Variants in GALNT15 observed in about 807,000 individuals in gnomAD.
GALNT15 encodes UDP-GalNAc transferase T15.
A neutral mutation model predicts 66.8 loss-of-function variants in GALNT15; 67 were observed. That is an observed-to-expected ratio of 1.00 (90% CI 0.82 to 1.23). The LOEUF (loss-of-function observed/expected upper bound fraction) is 1.23. GALNT15 is among the 50% of genes most tolerant of loss of function. The pLI, the probability that GALNT15 is intolerant of heterozygous loss-of-function variation, is 0.00. For missense variants in GALNT15, 827 were observed against 804.3 expected (o/e 1.03, Z -0.34); for synonymous variants, 313 against 311.5 (o/e 1.00, Z -0.05).
chr3:16,239,865 T>C, the GALNT15 span, among the ~76,000 whole-genome samples: 1 of 152,250 alleles, frequency 6.6e-6, no homozygotes, highest in Non-Finnish European at 1.5e-5. This position sits in a 1 kb window ranked among gnomAD's most constrained non-coding sequence, Gnocchi z 5.2. Context: ...ATATAGGAAG[T>C]TGCGTGAGAA....
At position 16,175,690 on chromosome 3, in the gene GALNT15, T is replaced by C. The variant is rs2063401035; in HGVS notation, c.539T>C (p.Leu180Pro). ...QRALPEVRHPLCLQQHPQDSL... is the reference protein window; with the variant it reads ...QRALPEVRHPPCLQQHPQDSL... ...GCTCTGCCCGAGGTGCGGCACCCAC[T>C]GTAAGTAAGGCCCTTGTTTTCCCTT... Residue 180 changes from leucine to proline, a missense_variant and splice_region_variant, in exon 1 of 10, where the codon CTG becomes CCG. Physicochemically the swap from Leu to Pro is moderately conservative, Grantham distance 98 (BLOSUM62 -3). Transcript: ENST00000339732. This position sits in a 1 kb window ranked among gnomAD's most constrained non-coding sequence, Gnocchi z 5.6. 6.4e-7 allele frequency: 1 copy of C among 1,572,012 alleles called. No homozygotes were observed. Among genetic ancestry groups the C allele is most frequent in the South Asian group, 1.2e-5 (1 of 86,534 alleles).
In GALNT15 at chr3:16,217,715, G is replaced by A. The variant is rs147906557; in HGVS notation, c.1393-1688G>A. The stretch of plus-strand genomic sequence containing the variant: ...CATTGTCAGCCTGCCCCTCACTCAA[G>A]GTCAAACAAAGATTGGGTAGATTTA... On this transcript the variant is annotated intron_variant, in intron 6 of 9. Transcript: ENST00000339732. Among the ~76,000 whole-genome samples the A allele has an allele frequency of 7.1e-3, 1,086 of 152,110 alleles. 10 individuals are homozygous for A. Among genetic ancestry groups the A allele is most frequent in the Non-Finnish European group, 0.012 (830 of 67,992 alleles).
chr3:16,247,720 C>T, the GALNT15 span, among the ~76,000 whole-genome samples: 1 of 152,196 alleles, frequency 6.6e-6, no homozygotes, highest in African/African-American at 2.4e-5. Flanking sequence ...TTTTGTCTTC[C>T]TGTACTGGGA....
At chr3:16,212,548 T>A (rs2063827799) in intron 5 of GALNT15, 21 bp from the exon 6 acceptor site, 1 of 1,605,868 alleles carries the variant, frequency 6.2e-7, no homozygotes, top group African/African-American at 1.3e-5. Context: ...CTGAGGTGTT[T>A]ATCTTTTCCC....
intron 6 of GALNT15, among the ~76,000 whole-genome samples, chr3:16,215,849 G>A (rs1383717864): frequency 6.7e-6 from 1 of 149,044 alleles, no homozygotes; most frequent in Non-Finnish European, 1.5e-5. Flanking sequence ...GGCGGAGGTT[G>A]TAGTGAGCTG....
intron 4 of GALNT15, 94 bp downstream of exon 4, chr3:16,208,764 C>T: frequency 1.8e-6 from 2 of 1,137,670 alleles, no homozygotes; most frequent in Non-Finnish European, 2.5e-6. Context: ...TCCACAGTTT[C>T]CTAGTAAATT....
the GALNT15 span, among the ~76,000 whole-genome samples, chr3:16,240,119 C>T: frequency 6.6e-6 from 1 of 152,188 alleles, no homozygotes; most frequent in Non-Finnish European, 1.5e-5. Flanking sequence ...AAAGTGAAAA[C>T]CTTTCTGTGC....
rs1394378979 is a variant in GALNT15 at position 16,200,763 on chromosome 3, C to T, written c.851C>T (p.Ala284Val). ...ATGDVLVFMD[A>V]HCECHPGWLE... The stretch of plus-strand genomic sequence containing the variant: ...GGGGATGTGCTCGTCTTCATGGATG[C>T]CCACTGCGAGTGCCACCCAGGCTGG... Residue 284 changes from alanine (A) to valine (V), a missense_variant, in exon 3 of 10, where the codon GCC (alanine) becomes GTC (valine). Transcript: ENST00000339732. The surrounding 1 kb of genome is among the most constrained non-coding windows in gnomAD (Gnocchi z 4.4). 1 of 1,612,456 alleles carries T rather than the reference C, an allele frequency of 6.2e-7. No individual in the cohort carries two copies. Among genetic ancestry groups the T allele is most frequent in the Non-Finnish European group, 8.5e-7 (1 of 1,179,364 alleles).
At chr3:16,226,526 G>T (rs62233866) in intron 9 of GALNT15, among the ~76,000 whole-genome samples, 5,723 of 152,264 alleles carry the variant, frequency 0.038, 150 homozygotes, top group Non-Finnish European at 0.055. Flanking sequence ...CTTACATGGC[G>T]GAGCAAGGGA....
rs578071291 is a variant in GALNT15 at position 16,189,702 on chromosome 3, G to A, written c.540-6058G>A. Among the ~76,000 whole-genome samples, 18 of 152,204 alleles carry A rather than the reference G, an allele frequency of 1.2e-4. No homozygotes were observed. The highest frequency in any genetic ancestry group is 2.4e-4 in the Non-Finnish European group (16 of 68,032). On this transcript the variant is annotated intron_variant, in intron 1 of 9. Coordinates refer to ENST00000339732, the MANE Select transcript of GALNT15 (RefSeq NM_054110.5). The surrounding 1 kb of genome is among the most constrained non-coding windows in gnomAD (Gnocchi z 5.1). ...GAGAGGTTTGCAAGAATCAACAATAGCTAGCTAGCATTTTGGGGCTCTTAC... is the reference window on the plus strand; with the variant it reads ...GAGAGGTTTGCAAGAATCAACAATAACTAGCTAGCATTTTGGGGCTCTTAC...
chr3:16,208,288 T>C (rs2063778902), intron 3 of GALNT15, among the ~76,000 whole-genome samples: 1 of 152,206 alleles, frequency 6.6e-6, no homozygotes, highest in African/African-American at 2.4e-5. Flanking sequence ...ATATAATCAA[T>C]GTAAAAATTA....
chr3:16,210,334 T>C (rs912956933), intron 4 of GALNT15, among the ~76,000 whole-genome samples: 3 of 152,222 alleles, frequency 2.0e-5, no homozygotes, highest in Non-Finnish European at 4.4e-5. Context: ...AGTATTTTGG[T>C]ATAATGTAGA....
rs939821218 is a variant in GALNT15, at chr3:16,181,518, A to T, written c.539+5828A>T. 6.6e-6 allele frequency among the ~76,000 whole-genome samples: 1 copy of T among 152,056 alleles called. No individual in the cohort carries two copies. Among genetic ancestry groups the T allele is most frequent in the Non-Finnish European group, 1.5e-5 (1 of 68,008 alleles). On this transcript the variant is annotated intron_variant, in intron 1 of 9. Coordinates refer to ENST00000339732, the MANE Select transcript of GALNT15 (RefSeq NM_054110.5). The surrounding 1 kb of genome is among the most constrained non-coding windows in gnomAD (Gnocchi z 5.9). ...CTTGGCTGCAGCTTTGTTGTCAAGT[A>T]GAAGATGGTGTTGCAATCCACGCGG...
In GALNT15 at chr3:16,228,841, A is replaced by G. The variant is rs887988456; in HGVS notation, c.*1341A>G. The G allele has an allele frequency of 1.0e-6, 1 of 985,408 alleles. No homozygotes were observed. 61.0% of individuals were successfully genotyped at this position (985,408 alleles called of 1,614,324 possible). A position where few individuals can be genotyped will look rare whatever the true frequency, so the allele number is the denominator to read the frequency against. ...CTGACAGGGCCATCTCTGAGCCCAT[A>G]TAACTGTCTGGAACCCCCAAATGTG... On this transcript the variant is annotated 3_prime_UTR_variant, in exon 10 of 10. Coordinates refer to ENST00000339732, the MANE Select transcript of GALNT15 (RefSeq NM_054110.5).
At position 16,203,049 on chromosome 3, in the gene GALNT15, A is replaced by T. The variant is rs2063719194; in HGVS notation, c.911+2226A>T. Among the ~76,000 whole-genome samples the T allele has an allele frequency of 6.6e-6, 1 of 152,156 alleles. No individual in the cohort carries two copies. Among genetic ancestry groups the T allele is most frequent in the South Asian group, 2.1e-4 (1 of 4,830 alleles). On this transcript the variant is annotated intron_variant, in intron 3 of 9. Transcript: ENST00000339732. This position sits in a 1 kb window ranked among gnomAD's most constrained non-coding sequence, Gnocchi z 6.2. ...ATGACCCCCATGAGAGGCCTCAGGC[A>T]GGTATTTTAGCTTCTGTTTTATAGG...
In GALNT15 at chr3:16,229,602, GACCGTGT is replaced by G; in HGVS notation, c.*2104_*2110del. On this transcript the variant is annotated 3_prime_UTR_variant, in exon 10 of 10. Transcript: ENST00000339732. ...ACGGAGCTACAAATTCTCAGATGGC[GACCGTGT>G]AAATGGTATTAGCGGCTGAAGAAAA... is the stretch of plus-strand genomic sequence containing the variant. 1.0e-6 allele frequency: 1 copy of G among 985,370 alleles called. No individual in the cohort carries two copies. Among genetic ancestry groups the G allele is most frequent in the Non-Finnish European group, 1.2e-6 (1 of 829,918 alleles). 61.0% of individuals were successfully genotyped at this position (985,370 alleles called of 1,614,324 possible). A position where few individuals can be genotyped will look rare whatever the true frequency, so the allele number is the denominator to read the frequency against.
rs1306115194 is a variant in GALNT15 at position 16,187,784 on chromosome 3, T to C, written c.540-7976T>C. On this transcript the variant is annotated intron_variant, in intron 1 of 9. Transcript: ENST00000339732. This position sits in a 1 kb window ranked among gnomAD's most constrained non-coding sequence, Gnocchi z 5.1. ...GGGCATTTGGGAGGAATAAATGTAA[T>C]AATTCTTGTAATAATTCATGCTGCT... 6.6e-6 allele frequency among the ~76,000 whole-genome samples: 1 copy of C among 152,218 alleles called. No homozygotes were observed. Among genetic ancestry groups the C allele is most frequent in the Non-Finnish European group, 1.5e-5 (1 of 68,038 alleles).
Position 16,209,137 on chromosome 3 carries a change from A to G in GALNT15, c.1079+467A>G, listed in dbSNP as rs935445129. 2.0e-5 allele frequency among the ~76,000 whole-genome samples: 3 copies of G among 152,202 alleles called. No individual in the cohort carries two copies. Among genetic ancestry groups the G allele is most frequent in the Non-Finnish European group, 4.4e-5 (3 of 68,034 alleles). On this transcript the variant is annotated intron_variant, in intron 4 of 9. Coordinates refer to ENST00000339732, the MANE Select transcript of GALNT15 (RefSeq NM_054110.5). The surrounding 1 kb of genome is among the most constrained non-coding windows in gnomAD (Gnocchi z 4.1). ...ATAGGTCTCAAATATATCCTATTGT[A>G]TGGGTCGCTTCTCACATGTTTGGTT...
chr3:16,231,969 TAAATA>T (rs1393540891), downstream of GALNT15: 1 of 1,488,230 alleles, frequency 6.7e-7, no homozygotes, highest in African/African-American at 1.4e-5. This position sits in a 1 kb window ranked among gnomAD's most constrained non-coding sequence, Gnocchi z 4.1. Flanking sequence ...ATGTCTTATT[TAAATA>T]AAATCCAGAA....
Sources: gnomAD v4.1 joint callset for allele counts (sites outside exome capture counted in the v4.1 genomes callset) on GRCh38, gnomAD v4.1.1 for gene constraint, Gnocchi (gnomAD v3.1) non-coding constraint, MANE v1.5 for transcripts, NCBI Gene and HGNC (gene_info 2026-07-23, HGNC 2026-07-21) for gene names.